Variants in SLC24A2 observed in about 807,000 individuals in gnomAD.
The protein encoded by SLC24A2 is solute carrier family 24 member 2.
In SLC24A2, 36 loss-of-function variants were observed where a neutral mutation model predicts 62.0. The observed-to-expected ratio is 0.58, with a 90% confidence interval of 0.44 to 0.77. The LOEUF is 0.77. SLC24A2 is among the 30% of genes least tolerant of loss of function. The probability of loss-of-function intolerance (pLI) is 0.00; values close to 1 mark genes in which losing one functional copy is unlikely to be tolerated. For missense variants in SLC24A2, 846 were observed against 817.9 expected (o/e 1.03, Z -0.42); for synonymous variants, 358 against 294.0 (o/e 1.22, Z -2.23).
At chr9:19,691,264 G>C (rs1376748828) in intron 2 of SLC24A2, among the ~76,000 whole-genome samples, 1 of 152,176 alleles carries the variant, frequency 6.6e-6, no homozygotes, top group African/African-American at 2.4e-5. Flanking sequence ...AGGCCTCCAA[G>C]GATTGAACAA....
At chr9:19,693,455 G>C (rs936701522) in intron 2 of SLC24A2, among the ~76,000 whole-genome samples, 54 of 152,092 alleles carry the variant, frequency 3.6e-4, no homozygotes, top group Non-Finnish European at 6.0e-4. Context: ...AGGAAGTAAT[G>C]ATTTCCTTTT....
chr9:19,682,608 T>C, intron 2 of SLC24A2, among the ~76,000 whole-genome samples: 1 of 152,114 alleles, frequency 6.6e-6, no homozygotes, highest in East Asian at 1.9e-4. Flanking sequence ...CTACATTATA[T>C]AGTGTGACAC....
the SLC24A2 span, among the ~76,000 whole-genome samples, chr9:20,096,181 A>T: frequency 6.6e-6 from 1 of 152,154 alleles, no homozygotes; most frequent in Admixed American, 6.5e-5. Context: ...AATTTTTAAG[A>T]GTATAATAGC....
intron 9 of SLC24A2, among the ~76,000 whole-genome samples, chr9:19,522,112 G>T (rs922705624): frequency 6.6e-6 from 1 of 152,146 alleles, no homozygotes; most frequent in Admixed American, 6.5e-5. Context: ...GGGCTCAAGC[G>T]ATCTTCCAAC....
the SLC24A2 span, among the ~76,000 whole-genome samples, chr9:20,286,315 G>A: frequency 7.9e-5 from 12 of 152,216 alleles, no homozygotes; most frequent in Non-Finnish European, 1.5e-4. Flanking sequence ...CTATGAGGCA[G>A]CTCAGGGAGA....
rs138792573 is a variant in SLC24A2 at position 19,603,506 on chromosome 9, A to AG, written c.1079-6228dup. Among the ~76,000 whole-genome samples, 99 of 151,898 alleles carry AG rather than the reference A, an allele frequency of 6.5e-4. 1 individual carries two copies. Among genetic ancestry groups the AG allele is most frequent in the East Asian group, 2.3e-3 (12 of 5,160 alleles). ...TAAGATCCACAGGGTGAGGGGAGGG[A>AG]GGGGGGCACTAAGGTGATGCTGATG... On this transcript the variant is annotated intron_variant, in intron 4 of 10. Coordinates refer to ENST00000341998, the MANE Select transcript of SLC24A2 (RefSeq NM_020344.4).
rs1836781595 is a variant in SLC24A2, at chr9:19,599,189, A to G, written c.1079-1910T>C. 1.3e-5 allele frequency among the ~76,000 whole-genome samples: 2 copies of G among 152,190 alleles called. No homozygotes were observed. The highest frequency in any genetic ancestry group is 4.1e-4 in the South Asian group (2 of 4,824). On this transcript the variant is annotated intron_variant, in intron 4 of 10. Coordinates refer to ENST00000341998, the MANE Select transcript of SLC24A2 (RefSeq NM_020344.4). The surrounding 1 kb of genome is among the most constrained non-coding windows in gnomAD (Gnocchi z 4.5). ...TGCAGAATCAGGTATAAATAAATAC[A>G]TTCATATTGTTTAATTATCATTTTA...
chr9:19,700,493 G>A (rs13301160), intron 2 of SLC24A2, among the ~76,000 whole-genome samples: 26,547 of 151,982 alleles, frequency 0.17, 2,514 homozygotes, highest in Middle Eastern at 0.24. Flanking sequence ...ACCCTTTTAC[G>A]ATGTGGACAA....
At chr9:19,762,634 T>C (rs758673546) in intron 2 of SLC24A2, among the ~76,000 whole-genome samples, 3 of 152,214 alleles carry the variant, frequency 2.0e-5, no homozygotes, top group Non-Finnish European at 2.9e-5. Context: ...TGTGGTGTTA[T>C]TTCTGAGGCC....
intron 7 of SLC24A2, among the ~76,000 whole-genome samples, chr9:19,557,314 G>C (rs920223987): frequency 1.3e-5 from 2 of 152,190 alleles, no homozygotes; most frequent in African/African-American, 4.8e-5. Context: ...AGGGTGGTGG[G>C]AACAATTGTA....
At chr9:20,029,526 C>T in the SLC24A2 span, among the ~76,000 whole-genome samples, 1 of 152,160 alleles carries the variant, frequency 6.6e-6, no homozygotes, top group Non-Finnish European at 1.5e-5. Context: ...CTCTGTTGGG[C>T]TGTGATATTC....
chr9:19,625,518 A>G (rs559884438), intron 2 of SLC24A2, among the ~76,000 whole-genome samples: 1 of 152,228 alleles, frequency 6.6e-6, no homozygotes, highest in East Asian at 1.9e-4. Flanking sequence ...GCAGGCCATC[A>G]TCTACTTATG....
chr9:19,932,004 C>T, the SLC24A2 span, among the ~76,000 whole-genome samples: 3 of 152,014 alleles, frequency 2.0e-5, no homozygotes, highest in African/African-American at 7.2e-5. Context: ...TTTAAAAAAT[C>T]ATCCATTATG....
At chr9:20,081,915 A>G in the SLC24A2 span, among the ~76,000 whole-genome samples, 1 of 152,166 alleles carries the variant, frequency 6.6e-6, no homozygotes, top group African/African-American at 2.4e-5. Context: ...TCCTCCTCAG[A>G]TGGATTGTAT....
chr9:19,592,501 CCTACCT>C (rs1587005935), intron 5 of SLC24A2, among the ~76,000 whole-genome samples: 3 of 144,522 alleles, frequency 2.1e-5, no homozygotes, highest in South Asian at 5.3e-4. Context: ...TACCCACCTA[CCTACCT>C]ACCTACCTAC....
chr9:19,635,340 A>G (rs1818285325), intron 2 of SLC24A2, among the ~76,000 whole-genome samples: 1 of 152,228 alleles, frequency 6.6e-6, no homozygotes, highest in African/African-American at 2.4e-5. Context: ...TTTTGGCTTT[A>G]GCCATTAGAA....
intron 2 of SLC24A2, among the ~76,000 whole-genome samples, chr9:19,738,539 G>A (rs905760363): frequency 6.6e-6 from 1 of 151,982 alleles, no homozygotes. Flanking sequence ...GATTAGAAAG[G>A]CAGAAATAAA....
rs1478789599 is a variant in SLC24A2, at chr9:19,515,920, G to A, written c.*233C>T. 1.8e-6 allele frequency: 1 copy of A among 545,142 alleles called. No individual in the cohort carries two copies. The highest frequency in any genetic ancestry group is 2.9e-5 in the Admixed American group (1 of 34,730). 33.8% of individuals were successfully genotyped at this position (545,142 alleles called of 1,614,324 possible). On this transcript the variant is annotated 3_prime_UTR_variant, in exon 11 of 11. Coordinates refer to ENST00000341998, the MANE Select transcript of SLC24A2 (RefSeq NM_020344.4). ...TCAGTGGTGAATAGGGAGAAGCCCT[G>A]TATTGACGGTTCTCTTTGTCTTTTA...
intron 2 of SLC24A2, among the ~76,000 whole-genome samples, chr9:19,654,359 C>T (rs1233812987): frequency 6.6e-6 from 1 of 152,152 alleles, no homozygotes; most frequent in East Asian, 1.9e-4. Context: ...TGTGTGCTCC[C>T]AGGAAGCTAA....
Sources: allele counts gnomAD v4.1 joint callset (sites outside exome capture counted in the v4.1 genomes callset), GRCh38; gene constraint gnomAD v4.1.1; non-coding constraint Gnocchi (gnomAD v3.1); transcripts MANE v1.5; gene names NCBI Gene and HGNC (gene_info 2026-07-23, HGNC 2026-07-21).